EPHA4: variants seen among roughly 807,000 people sequenced by gnomAD.
EPHA4 encodes the protein ephrin type-A receptor 4.
In EPHA4, 19 loss-of-function variants were observed where a neutral mutation model predicts 108.3. That is an observed-to-expected ratio of 0.18 (90% CI 0.12 to 0.26). The LOEUF (loss-of-function observed/expected upper bound fraction) is 0.26, where lower values mean the gene tolerates loss of function less well. EPHA4 is among the 10% of genes least tolerant of loss of function. The pLI is 1.00. For synonymous variants in EPHA4, 449 were observed against 455.5 expected (o/e 0.99, Z 0.18); for missense variants, 917 against 1,254.0 (o/e 0.73, Z 4.06).
At chr2:221,538,089 G>A (rs1293147291) in intron 3 of EPHA4, among the ~76,000 whole-genome samples, 2 of 152,290 alleles carry the variant, frequency 1.3e-5, no homozygotes, top group Non-Finnish European at 2.9e-5. Context: ...TGAGTGTGTG[G>A]CAAAATGAGT....
chr2:221,436,436 A>C lies in EPHA4; in HGVS notation c.2309T>G (p.Val770Gly). 1 of 1,614,142 alleles carries C rather than the reference A, an allele frequency of 6.2e-7. No homozygotes were observed. Among genetic ancestry groups the C allele is most frequent in the Non-Finnish European group, 8.5e-7 (1 of 1,180,042 alleles). ...CKVSDFGMSR[V>G]LEDDPEAAYT... ...AGCTGCTTCCGGATCATCCTCAAGC[A>C]CTCGGGACATGCCAAAATCAGACAC... Residue 770 changes from valine to glycine, a missense_variant, in exon 13 of 18, where the codon GTG (valine) becomes GGG (glycine). Around this residue, in one of 3 missense-constraint regions of EPHA4, gnomAD observed 758 missense variants for 1,076.7 expected, o/e 0.70. Coordinates refer to ENST00000281821, the MANE Select transcript of EPHA4 (RefSeq NM_004438.5).
intron 4 of EPHA4, among the ~76,000 whole-genome samples, chr2:221,497,513 T>C (rs1692334242): frequency 6.6e-6 from 1 of 152,146 alleles, no homozygotes; most frequent in Non-Finnish European, 1.5e-5. Flanking sequence ...CTGAGGTCCA[T>C]GGATCACATG....
chr2:221,459,865 A>G (rs1008930450), intron 5 of EPHA4, among the ~76,000 whole-genome samples: 1 of 152,208 alleles, frequency 6.6e-6, no homozygotes, highest in African/African-American at 2.4e-5. Flanking sequence ...ATAAAATTAT[A>G]AAATGAACTT....
In EPHA4 at chr2:221,571,279, G is replaced by A. The variant is rs1694829223; in HGVS notation, c.91+879C>T. Among the ~76,000 whole-genome samples, 1 of 148,852 alleles carries A rather than the reference G, an allele frequency of 6.7e-6. No homozygotes were observed. Among genetic ancestry groups the A allele is most frequent in the South Asian group, 2.1e-4 (1 of 4,658 alleles). ...ATACACACACACACACACACAGTTC[G>A]CCTCTCCCTGGGTTTCTCAGAAACT... On this transcript the variant is annotated intron_variant, in intron 1 of 17. Transcript: ENST00000281821. The surrounding 1 kb of genome is among the most constrained non-coding windows in gnomAD (Gnocchi z 6.3).
At chr2:221,505,567 G>A (rs149033018) in intron 3 of EPHA4, among the ~76,000 whole-genome samples, 30 of 152,068 alleles carry the variant, frequency 2.0e-4, no homozygotes, top group East Asian at 7.8e-4. Context: ...CTCGTGATCC[G>A]CCCGCCTCGG....
intron 3 of EPHA4, among the ~76,000 whole-genome samples, chr2:221,549,687 A>T (rs1467728559): frequency 6.6e-6 from 1 of 152,248 alleles, no homozygotes; most frequent in African/African-American, 2.4e-5. Flanking sequence ...AGATCTACAC[A>T]AAGCCCAAAG....
At chr2:221,445,803 G>C (rs1053519280) in intron 9 of EPHA4, among the ~76,000 whole-genome samples, 1 of 151,560 alleles carries the variant, frequency 6.6e-6, no homozygotes, top group Non-Finnish European at 1.5e-5. Context: ...TTCCAGCTTA[G>C]ATTAAAAAAA....
At chr2:221,526,613 G>A (rs569501713) in intron 3 of EPHA4, among the ~76,000 whole-genome samples, 3 of 151,676 alleles carry the variant, frequency 2.0e-5, no homozygotes, top group African/African-American at 2.4e-5. Context: ...TTGGGAGGCC[G>A]AGGTGGGCGG....
chr2:221,504,923 G>C (rs1219116428), intron 3 of EPHA4, among the ~76,000 whole-genome samples: 1 of 152,170 alleles, frequency 6.6e-6, no homozygotes, highest in African/African-American at 2.4e-5. Context: ...CCTAGAGTTA[G>C]GTCTGACCTT....
At chr2:221,436,353 AC>A in intron 13 of EPHA4, 45 bp downstream of exon 13, 1 of 1,573,376 alleles carries the variant, frequency 6.4e-7, no homozygotes, top group East Asian at 2.2e-5. Flanking sequence ...GAAGAGAGGA[AC>A]AGTTTCACCA....
intron 3 of EPHA4, among the ~76,000 whole-genome samples, chr2:221,503,790 GTTA>G (rs925181728): frequency 6.6e-6 from 1 of 152,174 alleles, no homozygotes; most frequent in Non-Finnish European, 1.5e-5. Flanking sequence ...TTAAGACCAT[GTTA>G]TTAATATTTC....
At chr2:221,480,053 C>A (rs1438290440) in intron 5 of EPHA4, among the ~76,000 whole-genome samples, 3 of 144,530 alleles carry the variant, frequency 2.1e-5, no homozygotes, top group African/African-American at 7.8e-5. Context: ...TCCCACCCCA[C>A]CCCACCCCAC....
intron 4 of EPHA4, among the ~76,000 whole-genome samples, chr2:221,500,248 G>A (rs1033445800): frequency 2.4e-4 from 36 of 152,118 alleles, no homozygotes; most frequent in African/African-American, 8.4e-4. Flanking sequence ...CAAAATCTGT[G>A]GAAGGTGTCT....
chr2:221,487,691 C>G (rs1692019240), intron 4 of EPHA4, among the ~76,000 whole-genome samples: 1 of 152,088 alleles, frequency 6.6e-6, no homozygotes, highest in Non-Finnish European at 1.5e-5. Context: ...ATGGCAACTA[C>G]TTTTGTACCA....
chr2:221,492,381 T>C (rs531767560), intron 4 of EPHA4, among the ~76,000 whole-genome samples: 2 of 152,194 alleles, frequency 1.3e-5, no homozygotes, highest in Admixed American at 1.3e-4. Flanking sequence ...TTAAAAAGAA[T>C]TCAGTGAGAT....
intron 3 of EPHA4, among the ~76,000 whole-genome samples, chr2:221,527,715 A>C (rs1693381170): frequency 6.6e-6 from 1 of 152,196 alleles, no homozygotes; most frequent in South Asian, 2.1e-4. Flanking sequence ...AGTTCTGAAG[A>C]TATCAGCGGT....
chr2:221,479,222 G>T (rs1483135879), intron 5 of EPHA4, among the ~76,000 whole-genome samples: 1 of 152,230 alleles, frequency 6.6e-6, no homozygotes, highest in Non-Finnish European at 1.5e-5. Context: ...ACTTTCAGGA[G>T]TAGGATTCTC....
intron 17 of EPHA4, chr2:221,422,214 T>C (rs1348917274): frequency 2.6e-5 from 4 of 152,208 alleles, no homozygotes; most frequent in Non-Finnish European, 2.9e-5. Context: ...ATTTCCTCTC[T>C]GGAAATCGGT....
At chr2:221,566,683 C>T (rs1694638514) in intron 2 of EPHA4, among the ~76,000 whole-genome samples, 1 of 151,336 alleles carries the variant, frequency 6.6e-6, no homozygotes, top group African/African-American at 2.4e-5. Context: ...CGTATACAGT[C>T]AGCTCTGCAT....
Sources: allele counts gnomAD v4.1 joint callset (sites outside exome capture counted in the v4.1 genomes callset), GRCh38; gene constraint gnomAD v4.1.1; regional missense constraint gnomAD v4.1.1; non-coding constraint Gnocchi (gnomAD v3.1); transcripts MANE v1.5; gene names NCBI Gene and HGNC (gene_info 2026-07-23, HGNC 2026-07-21).